ANXA7: variants seen among roughly 807,000 people sequenced by gnomAD.
The protein encoded by ANXA7 is annexin VII.
ANXA7 carries 55 observed loss-of-function variants against 64.9 expected under a neutral mutation model. That is an observed-to-expected ratio of 0.85 (90% confidence interval 0.68 to 1.06). The LOEUF is 1.06. Among genes scored for constraint, ANXA7 ranks in the 50% least tolerant of loss-of-function variants. ANXA7 has a pLI of 0.00. For synonymous variants in ANXA7, 200 were observed against 192.4 expected (o/e 1.04, Z -0.33); for missense variants, 548 against 582.1 (o/e 0.94, Z 0.60).
At chr10:73,387,868 T>A (rs1403201445) in intron 6 of ANXA7, 85 bp from the exon 7 acceptor site, 1 of 962,868 alleles carries the variant, frequency 1.0e-6, no homozygotes, top group Non-Finnish European at 1.6e-6. Flanking sequence ...TTTTTTTTTT[T>A]GAGACGGAGT....
At chr10:73,382,770 C>T (rs1396924567) in intron 9 of ANXA7, among the ~76,000 whole-genome samples, 1 of 152,146 alleles carries the variant, frequency 6.6e-6, no homozygotes, top group African/African-American at 2.4e-5. Context: ...AACCCTAAAA[C>T]ATTTTTCTGC....
In ANXA7 at chr10:73,375,975, G is replaced by A. The variant is rs998964653; in HGVS notation, c.*120C>T. Reference sequence around the variant, plus strand: ...CAAACCAAGCACATTACCCTGATACGGTCCTTGACAGAAAGCTCTTTCGGT... The same window carrying A: ...CAAACCAAGCACATTACCCTGATACAGTCCTTGACAGAAAGCTCTTTCGGT... On this transcript the variant is annotated 3_prime_UTR_variant, in exon 13 of 13. Transcript: ENST00000372921. 36 of 787,484 alleles carry A rather than the reference G, an allele frequency of 4.6e-5. No homozygotes were observed. The highest frequency in any genetic ancestry group is 3.5e-4 in the African/African-American group (20 of 56,566). The allele number at this position is 787,484 out of a possible 1,614,324, so 48.8% of individuals were successfully genotyped here. A position where few individuals can be genotyped will look rare whatever the true frequency, so the allele number is the denominator to read the frequency against.
rs541668804 is a variant in ANXA7, at chr10:73,399,762, C to T, written c.54+1041G>A. On this transcript the variant is annotated intron_variant, in intron 2 of 12. Transcript: ENST00000372921. Reference sequence around the variant, plus strand: ...CTTGAACCCCAGGAGACGGAGGTTGCAGTGAGTCGAGATCACACCACTGCA... The same window carrying T: ...CTTGAACCCCAGGAGACGGAGGTTGTAGTGAGTCGAGATCACACCACTGCA... Among the ~76,000 whole-genome samples, 7 of 152,008 alleles carry T rather than the reference C, an allele frequency of 4.6e-5. No individual in the cohort carries two copies. The South Asian group carries it at 1.5e-3, about 32-fold the overall frequency.
intron 1 of ANXA7, among the ~76,000 whole-genome samples, chr10:73,405,815 T>G (rs1236868804): frequency 6.6e-6 from 1 of 152,078 alleles, no homozygotes; most frequent in Non-Finnish European, 1.5e-5. Context: ...AAGACAGAAG[T>G]CAATCAGGAG....
intron 1 of ANXA7, among the ~76,000 whole-genome samples, chr10:73,408,960 C>G (rs1156447458): frequency 6.6e-6 from 1 of 152,152 alleles, no homozygotes; most frequent in African/African-American, 2.4e-5. Flanking sequence ...AAGCATTCAA[C>G]AAAATCCAGC....
chr10:73,377,381 A>G (rs888411282), intron 12 of ANXA7: 11 of 151,796 alleles, frequency 7.2e-5, no homozygotes, highest in African/African-American at 2.4e-4. Flanking sequence ...CAGCCTGACC[A>G]ACATGGTGAA....
intron 5 of ANXA7, among the ~76,000 whole-genome samples, chr10:73,395,282 T>C (rs1310268579): frequency 6.6e-6 from 1 of 152,154 alleles, no homozygotes; most frequent in Non-Finnish European, 1.5e-5. Context: ...ATCACTAAGA[T>C]GTTTCTCTTC....
At chr10:73,388,908 C>G (rs2055423611) in intron 5 of ANXA7, among the ~76,000 whole-genome samples, 1 of 152,068 alleles carries the variant, frequency 6.6e-6, no homozygotes, top group Non-Finnish European at 1.5e-5. Flanking sequence ...TGAAATAAAT[C>G]TATATGAAAA....
intron 4 of ANXA7, 101 bp from the exon 5 acceptor site, chr10:73,396,684 A>C (rs943471530): frequency 1.4e-5 from 10 of 690,548 alleles, no homozygotes; most frequent in Admixed American, 3.0e-5. Context: ...ACATACAAGA[A>C]CATTCACACT....
chr10:73,413,471 C>A (rs1195255627), intron 1 of ANXA7, among the ~76,000 whole-genome samples: 1 of 152,142 alleles, frequency 6.6e-6, no homozygotes, highest in Non-Finnish European at 1.5e-5. Context: ...TGCTGCTGGT[C>A]GGGGAACAGC....
chr10:73,396,788 A>C (rs2055583185), intron 4 of ANXA7, among the ~76,000 whole-genome samples: 1 of 152,196 alleles, frequency 6.6e-6, no homozygotes, highest in South Asian at 2.1e-4. Flanking sequence ...CATGTTCTAC[A>C]TAAGATCCTC....
chr10:73,383,519 TA>T, intron 8 of ANXA7, 57 bp downstream of exon 8: 2 of 1,402,974 alleles, frequency 1.4e-6, no homozygotes, highest in East Asian at 4.7e-5. Flanking sequence ...TCATAATTTG[TA>T]CGGTTTTACA....
chr10:73,399,336 C>T (rs7089932), intron 2 of ANXA7, among the ~76,000 whole-genome samples: 6,788 of 152,302 alleles, frequency 0.045, 458 homozygotes, highest in African/African-American at 0.15. Context: ...CCTACACTGA[C>T]TGAAATAGTT....
chr10:73,387,690 T>C lies in ANXA7; in HGVS notation c.632A>G (p.Lys211Arg). Residue 211 changes from lysine to arginine, a missense_variant and splice_region_variant, in exon 7 of 13, where the codon AAG becomes AGG. By Grantham distance (26) the Lys-to-Arg change is conservative (BLOSUM62 2). Coordinates refer to ENST00000372921, the MANE Select transcript of ANXA7 (RefSeq NM_001156.5). ...TCATTCCAGGAAAGAAAAACATACC[T>C]TGCCATAGGAGGTCTTAAATGCTGC... is the stretch of plus-strand genomic sequence containing the variant. Reference protein sequence around the residue: ...IKAAFKTSYGKDLIKDLKSEL... With the variant: ...IKAAFKTSYGRDLIKDLKSEL... 6.2e-7 allele frequency: 1 copy of C among 1,612,932 alleles called. No individual in the cohort carries two copies. The highest frequency in any genetic ancestry group is 8.5e-7 in the Non-Finnish European group (1 of 1,178,980).
chr10:73,407,620 T>C (rs1380098442), intron 1 of ANXA7, among the ~76,000 whole-genome samples: 1 of 152,236 alleles, frequency 6.6e-6, no homozygotes. Flanking sequence ...AAATGATTCA[T>C]ATTTCTTTTA....
intron 5 of ANXA7, among the ~76,000 whole-genome samples, chr10:73,390,354 C>T (rs1479101852): frequency 1.3e-5 from 2 of 152,154 alleles, no homozygotes; most frequent in African/African-American, 4.8e-5. Context: ...GCTCCTCCCA[C>T]TCATATATAT....
chr10:73,412,813 T>A (rs974295377), intron 1 of ANXA7, among the ~76,000 whole-genome samples: 36 of 150,508 alleles, frequency 2.4e-4, no homozygotes, highest in South Asian at 6.3e-4. Context: ...TTTTTTTTTT[T>A]AAACATTCTC....
intron 1 of ANXA7, among the ~76,000 whole-genome samples, chr10:73,401,744 C>T (rs1367390477): frequency 6.6e-6 from 1 of 152,132 alleles, no homozygotes; most frequent in Non-Finnish European, 1.5e-5. Flanking sequence ...TCAGGTGAAC[C>T]ACCCACCTTG....
chr10:73,408,035 T>C (rs1479262743), intron 1 of ANXA7, among the ~76,000 whole-genome samples: 1 of 152,176 alleles, frequency 6.6e-6, no homozygotes, highest in African/African-American at 2.4e-5. Flanking sequence ...AATGGTCAGA[T>C]AGGCCAGGCG....
Sources: gnomAD v4.1 joint callset for allele counts (sites outside exome capture counted in the v4.1 genomes callset) on GRCh38, gnomAD v4.1.1 for gene constraint, MANE v1.5 for transcripts, NCBI Gene and HGNC (gene_info 2026-07-23, HGNC 2026-07-21) for gene names.